Variants in GNG7 observed in about 807,000 individuals in gnomAD.
The protein encoded by GNG7 is G protein subunit gamma 7.
GNG7 carries 1 observed loss-of-function variant against 4.0 expected under a neutral mutation model. The ratio of observed to expected loss-of-function variants is 0.25; its 90% CI spans 0.09 to 1.18. The LOEUF is 1.18. GNG7 is among the 50% of genes most tolerant of loss of function. The pLI is 0.50. For missense variants in GNG7, 86 were observed against 91.9 expected, an observed-to-expected ratio of 0.94 and a Z score of 0.26; for synonymous variants, 34 against 36.9, an observed-to-expected ratio of 0.92 and a Z score of 0.29.
At chr19:2,622,955 T>C (rs918214986) in intron 2 of GNG7, among the ~76,000 whole-genome samples, 6 of 152,208 alleles carry the variant, frequency 3.9e-5, no homozygotes, top group South Asian at 4.1e-4. Flanking sequence ...ATAGAAAACA[T>C]TGGTCCTTCT....
rs1972678240 is a variant in GNG7 at position 2,513,050 on chromosome 19, C to G, written c.*1972G>C. ...GCCCTCCCGGACCTGCCGTAGAGAG[C>G]TGGGTGCCGGGGGTGGGGAGCCCGG... On this transcript the variant is annotated 3_prime_UTR_variant, in exon 5 of 5. Coordinates refer to ENST00000382159, the MANE Select transcript of GNG7 (RefSeq NM_052847.3). 2.0e-6 allele frequency: 2 copies of G among 985,560 alleles called. No homozygotes were observed. The highest frequency in any genetic ancestry group is 2.4e-6 in the Non-Finnish European group (2 of 830,030). The allele number at this position is 985,560 out of a possible 1,614,324, so 61.1% of individuals were successfully genotyped here.
At chr19:2,553,311 T>G (rs571259630) in intron 3 of GNG7, among the ~76,000 whole-genome samples, 2 of 150,416 alleles carry the variant, frequency 1.3e-5, no homozygotes, top group African/African-American at 2.4e-5. Context: ...AAAACGCGAA[T>G]GAAACAGATC....
chr19:2,669,093 G>C (rs59867683), intron 1 of GNG7, among the ~76,000 whole-genome samples: 5,884 of 152,210 alleles, frequency 0.039, 244 homozygotes, highest in African/African-American at 0.099. Context: ...CACCACCCTA[G>C]GAGTAAGTCT....
At chr19:2,591,917 TTTAAA>T (rs1980860762) in intron 2 of GNG7, among the ~76,000 whole-genome samples, 2 of 152,200 alleles carry the variant, frequency 1.3e-5, no homozygotes, top group African/African-American at 2.4e-5. Flanking sequence ...TGGCAAAACT[TTTAAA>T]TTCAGTTGAT....
intron 3 of GNG7, among the ~76,000 whole-genome samples, chr19:2,544,534 C>G (rs1362448434): frequency 6.6e-6 from 1 of 152,098 alleles, no homozygotes; most frequent in African/African-American, 2.4e-5. Flanking sequence ...ATAGGCGCCC[C>G]CCACCCCCAC....
intron 2 of GNG7, among the ~76,000 whole-genome samples, chr19:2,602,037 A>G (rs774968749): frequency 4.0e-5 from 6 of 151,376 alleles, no homozygotes; most frequent in Non-Finnish European, 8.8e-5. Flanking sequence ...GTCTGCTAGG[A>G]TCTGGAGAAG....
chr19:2,663,108 A>T (rs1983220054), intron 1 of GNG7, among the ~76,000 whole-genome samples: 1 of 152,238 alleles, frequency 6.6e-6, no homozygotes, highest in Non-Finnish European at 1.5e-5. Context: ...AATTTGTTAC[A>T]CAGTGATAGA....
intron 3 of GNG7, among the ~76,000 whole-genome samples, chr19:2,547,119 A>C (rs1979155963): frequency 7.0e-6 from 1 of 142,150 alleles, no homozygotes; most frequent in African/African-American, 2.6e-5. Flanking sequence ...AGCCCCACCG[A>C]TGTCATCCCC....
At chr19:2,523,443 C>T (rs925849016) in intron 3 of GNG7, among the ~76,000 whole-genome samples, 2 of 151,890 alleles carry the variant, frequency 1.3e-5, no homozygotes, top group Admixed American at 1.3e-4. Context: ...GTCCCAGCTA[C>T]TTGGGAGGCT....
rs116734649 is a variant in GNG7 at position 2,688,634 on chromosome 19, G to C, written c.-135+14012C>G. Among the ~76,000 whole-genome samples, 478 of 152,256 alleles carry C rather than the reference G, an allele frequency of 3.1e-3. 2 individuals are homozygous for C. Among genetic ancestry groups the C allele is most frequent in the African/African-American group, 0.011 (440 of 41,550 alleles). ...GTCACGAGAGGTAACGAACATCTAA[G>C]ACATGGTCCCAACCTGGAAGAACCC... On this transcript the variant is annotated intron_variant, in intron 1 of 4. Coordinates refer to ENST00000382159, the MANE Select transcript of GNG7 (RefSeq NM_052847.3).
At chr19:2,637,264 C>T (rs1982340035) in intron 2 of GNG7, among the ~76,000 whole-genome samples, 1 of 151,790 alleles carries the variant, frequency 6.6e-6, no homozygotes, top group South Asian at 2.1e-4. Flanking sequence ...GTTGTTTTGC[C>T]CTGGGGCCTG....
chr19:2,614,021 C>T lies in GNG7; in HGVS notation c.-78+32203G>A, dbSNP rs1009433743. On this transcript the variant is annotated intron_variant, in intron 2 of 4. Coordinates refer to ENST00000382159, the MANE Select transcript of GNG7 (RefSeq NM_052847.3). This position sits in a 1 kb window ranked among gnomAD's most constrained non-coding sequence, Gnocchi z 6.0. ...AGGCCGGCAAGTGCAATGCAGAATC[C>T]ACCCAGGGAACTCGGGCCCCGCGCC... is the stretch of plus-strand genomic sequence containing the variant. Among the ~76,000 whole-genome samples, 4 of 152,226 alleles carry T rather than the reference C, an allele frequency of 2.6e-5. No individual in the cohort carries two copies. Among genetic ancestry groups the T allele is most frequent in the African/African-American group, 9.6e-5 (4 of 41,456 alleles).
At chr19:2,584,470 G>A (rs1167004649) in intron 2 of GNG7, among the ~76,000 whole-genome samples, 1 of 150,754 alleles carries the variant, frequency 6.6e-6, no homozygotes, top group African/African-American at 2.4e-5. Flanking sequence ...GCCAGGCATG[G>A]TGATGTGTCC....
At chr19:2,553,577 T>A (rs1016188681) in intron 3 of GNG7, among the ~76,000 whole-genome samples, 4 of 149,366 alleles carry the variant, frequency 2.7e-5, no homozygotes, top group African/African-American at 9.8e-5. Flanking sequence ...ATAAATCATA[T>A]CACATACACG....
At chr19:2,638,944 A>T (rs1982407899) in intron 2 of GNG7, among the ~76,000 whole-genome samples, 1 of 152,188 alleles carries the variant, frequency 6.6e-6, no homozygotes, top group Admixed American at 6.5e-5. Context: ...TATAACAAAC[A>T]TTTAAAATCC....
intron 2 of GNG7, among the ~76,000 whole-genome samples, chr19:2,629,873 A>G (rs1259672966): frequency 6.6e-6 from 1 of 152,200 alleles, no homozygotes; most frequent in Non-Finnish European, 1.5e-5. Context: ...TTGCACATAC[A>G]TGGTGCCAGG....
chr19:2,540,862 G>A (rs1310475178), intron 3 of GNG7, among the ~76,000 whole-genome samples: 2 of 152,180 alleles, frequency 1.3e-5, no homozygotes, highest in African/African-American at 4.8e-5. Context: ...GCTGGCGGTG[G>A]CTCTGAATTC....
chr19:2,572,163 AG>A (rs1980168275), intron 2 of GNG7, among the ~76,000 whole-genome samples: 1 of 151,860 alleles, frequency 6.6e-6, no homozygotes, highest in African/African-American at 2.4e-5. Context: ...CTGGGACCAC[AG>A]GGGCACACCA....
At chr19:2,700,340 G>A (rs184053994) in intron 1 of GNG7, among the ~76,000 whole-genome samples, 114 of 152,012 alleles carry the variant, frequency 7.5e-4, no homozygotes, top group African/African-American at 2.4e-3. Flanking sequence ...ACAGGTTTTC[G>A]CTATATTGGC....
Sources: gnomAD v4.1 joint callset for allele counts (sites outside exome capture counted in the v4.1 genomes callset) on GRCh38, gnomAD v4.1.1 for gene constraint, Gnocchi (gnomAD v3.1) non-coding constraint, MANE v1.5 for transcripts, NCBI Gene and HGNC (gene_info 2026-07-23, HGNC 2026-07-21) for gene names.